Variants in FANCA observed in about 807,000 individuals in gnomAD.
The protein encoded by FANCA is Fanconi anemia group A protein.
In FANCA, 236 loss-of-function variants were observed where a neutral mutation model predicts 194.3. The observed-to-expected ratio is 1.21, with a 90% confidence interval of 1.09 to 1.35. The LOEUF is 1.35. Among genes scored for constraint, FANCA ranks in the 40% most tolerant of loss-of-function variants. FANCA has a pLI of 0.00. For missense variants in FANCA, 2,628 were observed against 1,813.9 expected, an observed-to-expected ratio of 1.45 and a Z score of -8.15; for synonymous variants, 1,014 against 715.8, an observed-to-expected ratio of 1.42 and a Z score of -6.65.
At position 89,746,796 on chromosome 16, in the gene FANCA, A is replaced by G. The variant is rs773546486; in HGVS notation, c.3408+35T>C. The G allele has an allele frequency of 1.9e-6, 3 of 1,576,986 alleles. No homozygotes were observed. The South Asian group carries it at 3.4e-5, about 18-fold the overall frequency. ...AGGAGGATCCACCCACGGCGTTCTG[A>G]GAAGGCCACGAGAGGGGCTGAGGGA... On this transcript the variant is annotated intron_variant, in intron 34 of 42. Transcript: ENST00000389301.
intron 29 of FANCA, among the ~76,000 whole-genome samples, chr16:89,760,058 G>C (rs1397893189): frequency 6.6e-6 from 1 of 152,260 alleles, no homozygotes. Context: ...AACTGGCACA[G>C]AATGTATCTA....
At chr16:89,749,308 G>A (rs2038499859) in intron 32 of FANCA, among the ~76,000 whole-genome samples, 1 of 152,118 alleles carries the variant, frequency 6.6e-6, no homozygotes, top group Non-Finnish European at 1.5e-5. Flanking sequence ...TGCCTCCCAG[G>A]TTCACACCAC....
At chr16:89,812,646 CAAAAAAA>C (rs71137677) in intron 3 of FANCA, among the ~76,000 whole-genome samples, 39 of 42,358 alleles carry the variant, frequency 9.2e-4, no homozygotes, top group Admixed American at 5.5e-3. Flanking sequence ...TACTCCGTCT[CAAAAAAA>C]AAAAAAAAAA....
At chr16:89,806,868 A>C (rs891606853) in intron 6 of FANCA, among the ~76,000 whole-genome samples, 45 of 151,824 alleles carry the variant, frequency 3.0e-4, no homozygotes, top group Middle Eastern at 3.4e-3. Flanking sequence ...TGTTGGGTAC[A>C]CCTCCCAGAC....
rs1176087285 is a variant in FANCA at position 89,791,658 on chromosome 16, T to G, written c.1226-122A>C. ...CTGTGCACACCCAAACACCAAGTTT[T>G]AAAAGACTACACAGCAATTACAGCA... On this transcript the variant is annotated intron_variant, in intron 13 of 42. Coordinates refer to ENST00000389301, the MANE Select transcript of FANCA (RefSeq NM_000135.4). The G allele has an allele frequency of 2.9e-6, 4 of 1,378,108 alleles. No homozygotes were observed. In the South Asian group the frequency reaches 4.9e-5, roughly 17 times the overall value. 85.4% of individuals were successfully genotyped at this position (1,378,108 alleles called of 1,614,324 possible).
intron 36 of FANCA, among the ~76,000 whole-genome samples, chr16:89,743,238 GGAA>G (rs927293798): frequency 2.0e-5 from 3 of 152,300 alleles, no homozygotes; most frequent in East Asian, 3.9e-4. Context: ...CCTACATTTT[GGAA>G]GAAGAGGCCT....
At chr16:89,815,826 A>G (rs760486212) in intron 2 of FANCA, 51 bp downstream of exon 2, 1 of 1,430,712 alleles carries the variant, frequency 7.0e-7, no homozygotes. Flanking sequence ...GGCTGGACTC[A>G]AAAACCCCGA....
chr16:89,738,802 C>G lies in FANCA; in HGVS notation c.4260+80G>C, dbSNP rs34602467. The G allele has an allele frequency of 1.2e-5, 20 of 1,613,482 alleles. No individual in the cohort carries two copies. The East Asian group carries it at 4.0e-4, about 32-fold the overall frequency. ...GGCAGAAATAGTCGAGTTGTATTGC[C>G]AGCCAGGCAGGCACATGGCCCAGGC... On this transcript the variant is annotated intron_variant, in intron 42 of 42. Coordinates refer to ENST00000389301, the MANE Select transcript of FANCA (RefSeq NM_000135.4).
Position 89,792,003 on chromosome 16 carries a change from C to G in FANCA, c.1149G>C (p.Glu383Asp). The stretch of plus-strand genomic sequence containing the variant: ...AGGAGAGCACTCTCTGCCAGTGAAC[C>G]TCCTGCGTTTCCAGAACTTCTTGCA... ...GHLQEVLETQEVHWQRVLSFV... is the reference protein window; with the variant it reads ...GHLQEVLETQDVHWQRVLSFV... Residue 383 changes from glutamate (E) to aspartate (D), a missense_variant, in exon 13 of 43, where the codon GAG becomes GAC. Coordinates refer to ENST00000389301, the MANE Select transcript of FANCA (RefSeq NM_000135.4). 6.2e-7 allele frequency: 1 copy of G among 1,614,202 alleles called. No homozygotes were observed. The highest frequency in any genetic ancestry group is 1.1e-5 in the South Asian group (1 of 91,090).
chr16:89,808,088 C>CA (rs1282471902), intron 6 of FANCA, among the ~76,000 whole-genome samples: 1 of 6,704 alleles, frequency 1.5e-4, no homozygotes, highest in African/African-American at 2.7e-4. Context: ...GCAAACAAAA[C>CA]CAAAACACCA....
Position 89,815,958 on chromosome 16 carries a change from A to T in FANCA, c.108T>A (p.Asn36Lys), listed in dbSNP as rs1326495878. The T allele has an allele frequency of 6.2e-7, 1 of 1,613,882 alleles. No homozygotes were observed. Among genetic ancestry groups the T allele is most frequent in the Admixed American group, 1.7e-5 (1 of 60,004 alleles). Residue 36 changes from asparagine (N) to lysine (K), a missense_variant, in exon 2 of 43, where the codon AAT (asparagine) becomes AAA (lysine). By Grantham distance (94) the Asn-to-Lys change is moderately conservative. Coordinates refer to ENST00000389301, the MANE Select transcript of FANCA (RefSeq NM_000135.4). ...CCTTTAATTTCTGTGCCCTTTCAGG[A>T]TTATATTTTTCCCTCTTGACCCTTC... is the stretch of plus-strand genomic sequence containing the variant. Reference protein sequence around the residue: ...LAGRVKREKYNPERAQKLKES... With the variant: ...LAGRVKREKYKPERAQKLKES...
At chr16:89,759,192 C>A (rs763184544) in intron 29 of FANCA, among the ~76,000 whole-genome samples, 4 of 151,256 alleles carry the variant, frequency 2.6e-5, no homozygotes, top group African/African-American at 9.7e-5. Flanking sequence ...TGGTGGTGGG[C>A]GCCTGTAGTC....
In FANCA at chr16:89,816,258, G is replaced by T. The variant is rs562741866; in HGVS notation, c.80-272C>A. 4.5e-4 allele frequency: 200 copies of T among 443,116 alleles called. 2 individuals carry two copies. The highest frequency in any genetic ancestry group is 2.8e-3 in the South Asian group (135 of 47,396). The allele number at this position is 443,116 out of a possible 1,614,324, so 27.4% of individuals were successfully genotyped here. A position where few individuals can be genotyped will look rare whatever the true frequency, so the allele number is the denominator to read the frequency against. The stretch of plus-strand genomic sequence containing the variant: ...TGCGCTGAGGGGAGCCCCAGGCCGC[G>T]CACCCCAGGCCCGCCTGACAGGGCG... On this transcript the variant is annotated intron_variant, in intron 1 of 42. Transcript: ENST00000389301.
At chr16:89,813,829 T>TGC in intron 3 of FANCA, among the ~76,000 whole-genome samples, 1 of 152,096 alleles carries the variant, frequency 6.6e-6, no homozygotes, top group South Asian at 2.1e-4. Context: ...TGTGTGTGTG[T>TGC]GTGTCCGTGT....
intron 6 of FANCA, 82 bp downstream of exon 6, chr16:89,808,212 G>T: frequency 7.5e-7 from 1 of 1,340,698 alleles, no homozygotes; most frequent in Non-Finnish European, 1.1e-6. Context: ...AATCAAACCC[G>T]TCTGATTCTG....
At chr16:89,785,948 C>G (rs1236390142) in intron 14 of FANCA, among the ~76,000 whole-genome samples, 3 of 149,506 alleles carry the variant, frequency 2.0e-5, no homozygotes, top group African/African-American at 7.5e-5. Context: ...TCCGCCCACC[C>G]AGGTTTGAAC....
chr16:89,805,089 T>C (rs924028474), intron 7 of FANCA, among the ~76,000 whole-genome samples, 191 bp downstream of exon 7: 4 of 152,100 alleles, frequency 2.6e-5, no homozygotes, highest in African/African-American at 9.7e-5. Flanking sequence ...AAGGCCGACT[T>C]ACTAGTATTT....
chr16:89,770,451 C>T (rs1024623155), intron 24 of FANCA, 113 bp downstream of exon 24: 8 of 1,110,598 alleles, frequency 7.2e-6, no homozygotes, highest in African/African-American at 3.1e-5. Flanking sequence ...AACTCAGCAT[C>T]GCCGCATGCT....
rs555447722 is a variant in FANCA at position 89,759,871 on chromosome 16, T to C, written c.2853-1166A>G. On this transcript the variant is annotated intron_variant, in intron 29 of 42. Transcript: ENST00000389301. ...CACACGACCCTGCAAATGTGAGTGC[T>C]AGGGAGTGTGTGCTCTCCTCACACT... Among the ~76,000 whole-genome samples the C allele has an allele frequency of 4.7e-3, 714 of 152,284 alleles. 2 individuals are homozygous for C. Among genetic ancestry groups the C allele is most frequent in the Non-Finnish European group, 7.6e-3 (519 of 68,016 alleles).
Sources: gnomAD v4.1 joint callset for allele counts (sites outside exome capture counted in the v4.1 genomes callset) on GRCh38, gnomAD v4.1.1 for gene constraint, MANE v1.5 for transcripts, NCBI Gene and HGNC (gene_info 2026-07-23, HGNC 2026-07-21) for gene names.